The following AAK1 variants were observed in gnomAD, a reference collection of about 807,000 sequenced individuals.
AAK1 encodes AP2-associated protein kinase 1.
In AAK1, 37 loss-of-function variants were observed where a neutral mutation model predicts 116.0. The observed-to-expected ratio is 0.32, with a 90% CI of 0.25 to 0.42. AAK1 has a LOEUF of 0.42. Among genes scored for constraint, AAK1 ranks in the 10% least tolerant of loss-of-function variants. The pLI, the probability that AAK1 is intolerant of heterozygous loss-of-function variation, is 1.00. For missense variants in AAK1, 919 were observed against 1,170.6 expected (o/e 0.79, Z 3.14); for synonymous variants, 458 against 439.9 (o/e 1.04, Z -0.51).
Position 69,466,949 on chromosome 2 carries a change from A to C in AAK1, c.*8920T>G. The C allele has an allele frequency of 1.0e-6, 1 of 985,402 alleles. No individual in the cohort carries two copies. Among genetic ancestry groups the C allele is most frequent in the Non-Finnish European group, 1.2e-6 (1 of 829,922 alleles). 61.0% of individuals were successfully genotyped at this position (985,402 alleles called of 1,614,324 possible). ...TGACAGTTTTGGATTATGTAGAAAC[A>C]CTGTCTGGGGATGACTCAATTCAGA... is the stretch of plus-strand genomic sequence containing the variant. On this transcript the variant is annotated 3_prime_UTR_variant, in exon 22 of 22. Coordinates refer to ENST00000409085, the MANE Select transcript of AAK1 (RefSeq NM_014911.5).
intron 4 of AAK1, 66 bp from the exon 5 acceptor site, chr2:69,542,731 G>T: frequency 6.4e-7 from 1 of 1,555,350 alleles, no homozygotes. Context: ...TAGTCTAAGA[G>T]AATGAACGGC....
intron 2 of AAK1, among the ~76,000 whole-genome samples, chr2:69,595,861 T>C (rs1471063853): frequency 4.6e-5 from 7 of 152,234 alleles, no homozygotes; most frequent in Non-Finnish European, 7.3e-5. Flanking sequence ...GTCAGGCTGA[T>C]GCTCCTGTTA....
chr2:69,536,417 G>T (rs1293713777), intron 5 of AAK1, among the ~76,000 whole-genome samples: 1 of 152,102 alleles, frequency 6.6e-6, no homozygotes, highest in Non-Finnish European at 1.5e-5. Flanking sequence ...ACTAGGGCAG[G>T]GTATAGAGAA....
At position 69,467,215 on chromosome 2, in the gene AAK1, C is replaced by T; in HGVS notation, c.*8654G>A. The stretch of plus-strand genomic sequence containing the variant: ...GTTGCCCCAGAATTTTGTTTTCAGT[C>T]TTCTAAGTTCATAAAGATCTCCTCT... On this transcript the variant is annotated 3_prime_UTR_variant, in exon 22 of 22. Transcript: ENST00000409085. The T allele has an allele frequency of 1.0e-6, 1 of 985,398 alleles. No homozygotes were observed. Among genetic ancestry groups the T allele is most frequent in the Non-Finnish European group, 1.2e-6 (1 of 829,920 alleles). 61.0% of individuals were successfully genotyped at this position (985,398 alleles called of 1,614,324 possible).
rs933339187 is a variant in AAK1, at chr2:69,507,701, C to G, written c.2007-123G>C. 21 of 1,012,034 alleles carry G rather than the reference C, an allele frequency of 2.1e-5. No homozygotes were observed. The Admixed American group carries it at 6.4e-4, about 31-fold the overall frequency. The allele number at this position is 1,012,034 out of a possible 1,614,324, so 62.7% of individuals were successfully genotyped here. On this transcript the variant is annotated intron_variant, in intron 14 of 21. Coordinates refer to ENST00000409085, the MANE Select transcript of AAK1 (RefSeq NM_014911.5). ...TCTGGGTCAAACCATCATTTTCCAC[C>G]ACAGTATTTTTTTTTTTTTTTTTGA...
intron 2 of AAK1, among the ~76,000 whole-genome samples, chr2:69,593,967 C>T (rs141218111): frequency 3.9e-5 from 6 of 152,304 alleles, no homozygotes; most frequent in Non-Finnish European, 8.8e-5. Context: ...GTCAGGTTGG[C>T]GTCCTTCTCC....
intron 20 of AAK1, among the ~76,000 whole-genome samples, chr2:69,477,267 T>C (rs757473011): frequency 6.6e-6 from 1 of 152,178 alleles, no homozygotes; most frequent in Non-Finnish European, 1.5e-5. Flanking sequence ...ATTATAATTA[T>C]TGTGAGGTAT....
chr2:69,635,918 A>G (rs1675426134), intron 2 of AAK1, among the ~76,000 whole-genome samples: 1 of 152,210 alleles, frequency 6.6e-6, no homozygotes, highest in Non-Finnish European at 1.5e-5. Flanking sequence ...TTTAAAAATG[A>G]TTAAGATAAT....
intron 3 of AAK1, among the ~76,000 whole-genome samples, chr2:69,545,818 T>C (rs1487048133): frequency 6.6e-6 from 1 of 152,010 alleles, no homozygotes; most frequent in Non-Finnish European, 1.5e-5. Context: ...ACAGAACAGA[T>C]GGGATGGTGG....
At chr2:69,577,514 T>G (rs988384312) in intron 2 of AAK1, among the ~76,000 whole-genome samples, 2 of 152,118 alleles carry the variant, frequency 1.3e-5, no homozygotes, top group Admixed American at 6.5e-5. Context: ...AAACATCCCC[T>G]CTACCCTCCA....
chr2:69,642,188 T>C (rs1675760902), intron 2 of AAK1, among the ~76,000 whole-genome samples: 1 of 152,082 alleles, frequency 6.6e-6, no homozygotes, highest in Admixed American at 6.5e-5. Context: ...AGAGCCACTC[T>C]CAAGTAATTT....
chr2:69,541,565 G>C (rs1670724285), intron 5 of AAK1, among the ~76,000 whole-genome samples: 1 of 152,228 alleles, frequency 6.6e-6, no homozygotes, highest in African/African-American at 2.4e-5. Flanking sequence ...AAATTTTATA[G>C]TATGTGAATT....
intron 12 of AAK1, 40 bp from the exon 13 acceptor site, chr2:69,514,789 G>T: frequency 6.6e-7 from 1 of 1,509,106 alleles, no homozygotes; most frequent in South Asian, 1.4e-5. Context: ...GCCTGTCCCA[G>T]AATAATAGTC....
At chr2:69,499,475 G>A (rs1026871781) in intron 16 of AAK1, among the ~76,000 whole-genome samples, 1 of 152,136 alleles carries the variant, frequency 6.6e-6, no homozygotes. Context: ...TCTCCGTATA[G>A]ATTAGAATGA....
Position 69,470,090 on chromosome 2 carries a change from A to C in AAK1, c.*5779T>G. 1 of 985,456 alleles carries C rather than the reference A, an allele frequency of 1.0e-6. No homozygotes were observed. Among genetic ancestry groups the C allele is most frequent in the Non-Finnish European group, 1.2e-6 (1 of 829,936 alleles). 61.0% of individuals were successfully genotyped at this position (985,456 alleles called of 1,614,324 possible). On this transcript the variant is annotated 3_prime_UTR_variant, in exon 22 of 22. Coordinates refer to ENST00000409085, the MANE Select transcript of AAK1 (RefSeq NM_014911.5). ...CCATCAGAATGCTCCCTACAGAATT[A>C]AAATCTGAAGACTTAAATGTCAGGC...
intron 16 of AAK1, among the ~76,000 whole-genome samples, chr2:69,500,684 T>TAC (rs1437839275): frequency 6.9e-4 from 75 of 109,022 alleles, no homozygotes; most frequent in Admixed American, 5.3e-3. Flanking sequence ...TATATATATA[T>TAC]ATATATATAT....
At chr2:69,616,678 C>A (rs2105228252) in intron 2 of AAK1, among the ~76,000 whole-genome samples, 1 of 152,256 alleles carries the variant, frequency 6.6e-6, no homozygotes, top group Admixed American at 6.5e-5. Flanking sequence ...GTGTGACAAT[C>A]AAAAATGTCT....
intron 12 of AAK1, among the ~76,000 whole-genome samples, chr2:69,516,490 A>T (rs1354986168): frequency 1.3e-5 from 2 of 152,186 alleles, no homozygotes; most frequent in African/African-American, 2.4e-5. Context: ...CATTAGGCAA[A>T]TGGTATTTCT....
chr2:69,494,612 C>T (rs556974375), intron 17 of AAK1, among the ~76,000 whole-genome samples: 1 of 152,246 alleles, frequency 6.6e-6, no homozygotes, highest in Admixed American at 6.5e-5. Flanking sequence ...AGACAGTGAG[C>T]CCCAGCTGGA....
Sources: allele counts gnomAD v4.1 joint callset (sites outside exome capture counted in the v4.1 genomes callset), GRCh38; gene constraint gnomAD v4.1.1; transcripts MANE v1.5; gene names NCBI Gene and HGNC (gene_info 2026-07-23, HGNC 2026-07-21).